The following PITPNC1 variants were observed in gnomAD, a reference collection of about 807,000 sequenced individuals.
PITPNC1 encodes the protein cytoplasmic phosphatidylinositol transfer protein 1.
Under a neutral mutation model 44.7 loss-of-function variants are expected in PITPNC1, and 18 were observed. That is an observed-to-expected ratio of 0.40 (90% CI 0.28 to 0.60). PITPNC1 has a LOEUF of 0.60. Ranked by LOEUF, PITPNC1 falls within the 20% of genes least tolerant of loss-of-function variation. PITPNC1 has a pLI of 0.39. For missense variants in PITPNC1, 290 were observed against 418.4 expected (o/e 0.69, Z 2.68); for synonymous variants, 141 against 149.6 (o/e 0.94, Z 0.42).
chr17:67,576,926 C>T (rs2041157448), intron 4 of PITPNC1, among the ~76,000 whole-genome samples: 1 of 152,158 alleles, frequency 6.6e-6, no homozygotes, highest in Admixed American at 6.5e-5. Flanking sequence ...ATAATTATTA[C>T]TCCTGTTTTA....
chr17:67,445,983 G>A (rs2039087276), intron 1 of PITPNC1, among the ~76,000 whole-genome samples: 1 of 151,710 alleles, frequency 6.6e-6, no homozygotes, highest in Admixed American at 6.6e-5. Context: ...ATCTCACTCT[G>A]TCGCCCAGGC....
In PITPNC1 at chr17:67,377,814, T is replaced by C. The variant is rs1377977608; in HGVS notation, c.-341T>C. The C allele has an allele frequency of 3.1e-5, 9 of 294,992 alleles. No homozygotes were observed. In the South Asian group the frequency reaches 1.3e-3, roughly 44 times the overall value. The allele number at this position is 294,992 out of a possible 1,614,324, so 18.3% of individuals were successfully genotyped here. A position where few individuals can be genotyped will look rare whatever the true frequency, so the allele number is the denominator to read the frequency against. On this transcript the variant is annotated 5_prime_UTR_variant, in exon 1 of 9. It removes an upstream start codon present in the reference 5' UTR. Transcript: ENST00000581322. ...TTCCTCCCTCGCTCGCTGCCGGGCATGTCCTGATCTGGCGGCCGCTCCTAC... is the reference window on the plus strand; with the variant it reads ...TTCCTCCCTCGCTCGCTGCCGGGCACGTCCTGATCTGGCGGCCGCTCCTAC...
chr17:67,478,488 C>A (rs1444518520), intron 1 of PITPNC1, among the ~76,000 whole-genome samples: 3 of 152,242 alleles, frequency 2.0e-5, no homozygotes, highest in Admixed American at 6.5e-5. Flanking sequence ...CAACAACAAA[C>A]CCCCTTTGAT....
intron 4 of PITPNC1, among the ~76,000 whole-genome samples, chr17:67,558,173 A>G (rs2706682): frequency 0.071 from 10,778 of 152,206 alleles, 716 homozygotes; most frequent in African/African-American, 0.18. Context: ...CACTATCACA[A>G]TTATCAAGAC....
chr17:67,572,630 G>A (rs538272823), intron 4 of PITPNC1, among the ~76,000 whole-genome samples: 8 of 152,008 alleles, frequency 5.3e-5, no homozygotes, highest in East Asian at 1.9e-4. Flanking sequence ...GGAGATACGC[G>A]CTGTGATAAA....
At chr17:67,506,022 T>G (rs1317682460) in intron 1 of PITPNC1, among the ~76,000 whole-genome samples, 1 of 152,182 alleles carries the variant, frequency 6.6e-6, no homozygotes, top group African/African-American at 2.4e-5. Flanking sequence ...TACTCCACCC[T>G]TTCCTGCCCT....
intron 6 of PITPNC1, among the ~76,000 whole-genome samples, chr17:67,633,292 A>G (rs984247538): frequency 1.9e-4 from 29 of 152,216 alleles, no homozygotes; most frequent in African/African-American, 6.3e-4. Context: ...AGAGTCATCA[A>G]GGCTGATGGG....
chr17:67,434,978 G>A (rs565017496), intron 1 of PITPNC1, among the ~76,000 whole-genome samples: 6 of 151,298 alleles, frequency 4.0e-5, no homozygotes, highest in South Asian at 4.2e-4. Context: ...GCATGGTGGC[G>A]GGCACCTGTA....
At chr17:67,692,268 T>G (rs1452527250) in intron 8 of PITPNC1, among the ~76,000 whole-genome samples, 1 of 152,078 alleles carries the variant, frequency 6.6e-6, no homozygotes, top group African/African-American at 2.4e-5. Context: ...CAGGCACATA[T>G]TTCCCCCGTC....
At chr17:67,419,279 C>A (rs2038632060) in intron 1 of PITPNC1, among the ~76,000 whole-genome samples, 1 of 152,104 alleles carries the variant, frequency 6.6e-6, no homozygotes, top group African/African-American at 2.4e-5. Flanking sequence ...TGGAAGCTCT[C>A]CCAATGGTTC....
chr17:67,621,392 G>T (rs1214066017), intron 5 of PITPNC1, among the ~76,000 whole-genome samples: 1 of 151,860 alleles, frequency 6.6e-6, no homozygotes, highest in Non-Finnish European at 1.5e-5. Flanking sequence ...ATTTTTTGTA[G>T]AGACGGGGTT....
chr17:67,679,396 C>T (rs1276335288), intron 8 of PITPNC1, among the ~76,000 whole-genome samples: 1 of 152,260 alleles, frequency 6.6e-6, no homozygotes, highest in East Asian at 1.9e-4. Flanking sequence ...GCAGACTCAG[C>T]AGGTGCTCTG....
At chr17:67,490,884 G>A (rs1486228005) in intron 1 of PITPNC1, among the ~76,000 whole-genome samples, 3 of 152,182 alleles carry the variant, frequency 2.0e-5, no homozygotes, top group Middle Eastern at 3.4e-3. Flanking sequence ...ATTTCTTCTC[G>A]GGATTCTTTC....
At chr17:67,552,455 C>T (rs1011156965) in intron 3 of PITPNC1, 110 bp downstream of exon 3, 13 of 680,586 alleles carry the variant, frequency 1.9e-5, no homozygotes, top group East Asian at 5.1e-5. Flanking sequence ...GTGGGAGCCC[C>T]GTAGTATCCC....
chr17:67,579,963 G>A (rs2041207833), intron 5 of PITPNC1, among the ~76,000 whole-genome samples: 1 of 152,076 alleles, frequency 6.6e-6, no homozygotes, highest in Admixed American at 6.5e-5. Flanking sequence ...TTAATACATG[G>A]CTATTCAAAC....
At chr17:67,453,499 C>T (rs115051464) in intron 1 of PITPNC1, among the ~76,000 whole-genome samples, 2,380 of 152,138 alleles carry the variant, frequency 0.016, 60 homozygotes, top group African/African-American at 0.054. Flanking sequence ...TCATCAATAC[C>T]GTGACCGCCT....
At chr17:67,679,743 T>A (rs2042669092) in intron 8 of PITPNC1, among the ~76,000 whole-genome samples, 1 of 152,220 alleles carries the variant, frequency 6.6e-6, no homozygotes, top group Non-Finnish European at 1.5e-5. Context: ...CCGTGATTGG[T>A]CTTTATCCAT....
At chr17:67,424,124 G>A (rs141120093) in intron 1 of PITPNC1, among the ~76,000 whole-genome samples, 371 of 149,902 alleles carry the variant, frequency 2.5e-3, no homozygotes, top group African/African-American at 8.5e-3. Context: ...TGAGGATGAG[G>A]AGCTCAAGAA....
At chr17:67,669,043 A>G (rs1425764506) in intron 6 of PITPNC1, among the ~76,000 whole-genome samples, 3 of 152,198 alleles carry the variant, frequency 2.0e-5, no homozygotes, top group African/African-American at 7.2e-5. Flanking sequence ...TCCATTCATA[A>G]TCACTCTACA....
Sources: gnomAD v4.1 joint callset for allele counts (sites outside exome capture counted in the v4.1 genomes callset) on GRCh38, gnomAD v4.1.1 for gene constraint, MANE v1.5 for transcripts, NCBI Gene and HGNC (gene_info 2026-07-23, HGNC 2026-07-21) for gene names.